Variants in CLCN4 observed in about 807,000 individuals in gnomAD.
CLCN4 encodes Cl-/H+ antiporter 4.
CLCN4 carries 1 observed loss-of-function variant against 41.7 expected under a neutral mutation model. The observed-to-expected ratio is 0.02, with a 90% CI of 0.01 to 0.11. CLCN4 has a LOEUF of 0.11. Among genes scored for constraint, CLCN4 ranks in the 10% least tolerant of loss-of-function variants. The probability of loss-of-function intolerance (pLI) is 1.00; values close to 1 mark genes in which losing one functional copy is unlikely to be tolerated. For synonymous variants in CLCN4, 277 were observed against 285.8 expected, an observed-to-expected ratio of 0.97 and a Z score of 0.31; for missense variants, 287 against 661.0, an observed-to-expected ratio of 0.43 and a Z score of 6.20.
At chrX:10,227,645 C>T (rs1925021375) in intron 12 of CLCN4, among the ~76,000 whole-genome samples, 1 of 111,962 alleles carries the variant, frequency 8.9e-6, no homozygotes, top group African/African-American at 3.3e-5. Flanking sequence ...AGAAACCCCA[C>T]ACCCCTTAGC....
intron 12 of CLCN4, among the ~76,000 whole-genome samples, chrX:10,226,913 C>T (rs1401666128): frequency 2.7e-5 from 3 of 110,646 alleles, no homozygotes; most frequent in Non-Finnish European, 5.7e-5. Flanking sequence ...AGCCTACCAA[C>T]CAAAAAAATC....
rs2301691 is a variant in CLCN4 at position 10,212,259 on chromosome X, C to T, written c.1390-208C>T. On this transcript the variant is annotated intron_variant, in intron 9 of 12. Coordinates refer to ENST00000380833, the MANE Select transcript of CLCN4 (RefSeq NM_001830.4). ...AGGGAATCAAAGTATAAAATTGCGTCCTCTCTAAGTTGCAGTAGATATGAC... is the reference window on the plus strand; with the variant it reads ...AGGGAATCAAAGTATAAAATTGCGTTCTCTCTAAGTTGCAGTAGATATGAC... Among the ~76,000 whole-genome samples, 32,772 of 110,919 alleles carry T rather than the reference C, an allele frequency of 0.3. 3,667 individuals carry two copies. Among genetic ancestry groups the T allele is most frequent in the Non-Finnish European group, 0.36 (18,904 of 52,813 alleles).
chrX:10,210,780 T>C (rs1359569112), intron 9 of CLCN4, among the ~76,000 whole-genome samples: 1 of 102,798 alleles, frequency 9.7e-6, no homozygotes, highest in Non-Finnish European at 2.0e-5. Context: ...CTCAGCCCAC[T>C]GGGACTACAG....
At chrX:10,207,444 G>A (rs777729891) in intron 8 of CLCN4, among the ~76,000 whole-genome samples, 1 of 112,245 alleles carries the variant, frequency 8.9e-6, no homozygotes, top group South Asian at 3.7e-4. Flanking sequence ...TAGCTGCTCA[G>A]CTCTGCTGTC....
At chrX:10,191,978 A>G in intron 4 of CLCN4, among the ~76,000 whole-genome samples, 1 of 111,095 alleles carries the variant, frequency 9.0e-6, no homozygotes, top group Non-Finnish European at 1.9e-5. Context: ...TGTAGTAGGT[A>G]CATGTTCAGT....
At chrX:10,227,227 G>A (rs1311573985) in intron 12 of CLCN4, among the ~76,000 whole-genome samples, 1 of 111,407 alleles carries the variant, frequency 9.0e-6, no homozygotes, top group East Asian at 2.8e-4. Context: ...CTTCATCCCT[G>A]GGGTGCAAGG....
In CLCN4 at chrX:10,208,393, A is replaced by G; in HGVS notation, c.1192A>G (p.Ile398Val). 1.7e-6 allele frequency: 2 copies of G among 1,210,913 alleles called. No homozygotes were observed. Among genetic ancestry groups the G allele is most frequent in the South Asian group, 3.5e-5 (2 of 56,929 alleles). The change falls in exon 9 of 13, where the codon ATT becomes GTT. Residue 398 changes from isoleucine to valine, a missense_variant. Ile to Val is a conservative substitution (Grantham distance 29). Around this residue, in one of 6 missense-constraint regions of CLCN4, gnomAD observed 94 missense variants for 177.9 expected, o/e 0.53. Coordinates refer to ENST00000380833, the MANE Select transcript of CLCN4 (RefSeq NM_001830.4). ...PYTRQSTSEL[I>V]SELFNDCGAL... ...CACACGCCAGAGCACCAGCGAGCTC[A>G]TTTCTGAGCTGTTCAATGACTGTGG...
chrX:10,202,697 G>T (rs16998804), intron 6 of CLCN4, among the ~76,000 whole-genome samples: 2,367 of 100,867 alleles, frequency 0.023, 64 homozygotes, highest in African/African-American at 0.082. Flanking sequence ...TTTGTTGCAC[G>T]TGGGACTTGA....
intron 2 of CLCN4, among the ~76,000 whole-genome samples, chrX:10,177,901 A>T (rs934861397): frequency 8.9e-6 from 1 of 112,095 alleles, no homozygotes; most frequent in Non-Finnish European, 1.9e-5. Context: ...GAGTGGATAA[A>T]CAAAATGTGA....
intron 12 of CLCN4, among the ~76,000 whole-genome samples, chrX:10,228,996 A>G (rs1338040691): frequency 1.8e-5 from 2 of 111,609 alleles, no homozygotes; most frequent in African/African-American, 6.5e-5. Context: ...ATGCTGCTGT[A>G]TGTTCTACAG....
intron 3 of CLCN4, among the ~76,000 whole-genome samples, chrX:10,187,020 G>C (rs968881368): frequency 5.4e-5 from 6 of 112,031 alleles, no homozygotes; most frequent in Non-Finnish European, 1.1e-4. Context: ...GGTGTGTGTA[G>C]GTAGTCCATC....
At chrX:10,168,406 G>A (rs755500587) in intron 2 of CLCN4, among the ~76,000 whole-genome samples, 4 of 112,095 alleles carry the variant, frequency 3.6e-5, no homozygotes, top group East Asian at 2.8e-4. Flanking sequence ...CAACTCCAGC[G>A]CCTTTGCTTT....
At chrX:10,216,731 C>A (rs1924716534) in intron 11 of CLCN4, among the ~76,000 whole-genome samples, 1 of 105,284 alleles carries the variant, frequency 9.5e-6, no homozygotes, top group Non-Finnish European at 2.0e-5. Context: ...CGCTTAGTTG[C>A]AGAAAGGGGT....
chrX:10,205,737 A>C (rs755004867), intron 6 of CLCN4, among the ~76,000 whole-genome samples: 47 of 107,112 alleles, frequency 4.4e-4, no homozygotes, highest in African/African-American at 1.5e-3. Context: ...CCTCCCAAGT[A>C]GCTAGGACCA....
rs1555977625 is a variant in CLCN4 at position 10,216,897 on chromosome X, G to GTATATATATATATATATATATATATATA, written c.1975+2840_1975+2841insTATATATATATATATATATATATATATA. On this transcript the variant is annotated intron_variant, in intron 11 of 12. Transcript: ENST00000380833. ...GTTGGGGATGTGTGTGTGTGTGTGT[G>GTATATATATATATATATATATATATATA]TATATATATATATATATATATACAC... Among the ~76,000 whole-genome samples the GTATATATATATATATATATATATATATA allele has an allele frequency of 6.1e-3, 127 of 20,735 alleles. 23 individuals carry two copies. Among genetic ancestry groups the GTATATATATATATATATATATATATATA allele is most frequent in the Non-Finnish European group, 9.6e-3 (104 of 10,845 alleles). 18.0% of individuals were successfully genotyped at this position (20,735 alleles called of 115,157 possible). A position where few individuals can be genotyped will look rare whatever the true frequency, so the allele number is the denominator to read the frequency against.
chrX:10,219,414 A>G (rs1046174795), intron 11 of CLCN4, among the ~76,000 whole-genome samples: 14 of 112,356 alleles, frequency 1.2e-4, no homozygotes, highest in African/African-American at 4.5e-4. Flanking sequence ...AGAAGTACGT[A>G]GTATATATCG....
In CLCN4 at chrX:10,208,479, G is replaced by C; in HGVS notation, c.1278G>C (p.Val426=). 1 of 1,211,493 alleles carries C rather than the reference G, an allele frequency of 8.3e-7. No individual in the cohort carries two copies. Among genetic ancestry groups the C allele is most frequent in the Non-Finnish European group, 1.1e-6 (1 of 895,324 alleles). ...YINDPNMTRP[V]DDIPDRPAGV... ...ATGACCCCAACATGACTCGGCCTGT[G>C]GATGACATTCCAGACCGGCCGGCTG... The change falls in exon 9 of 13, where the codon GTG becomes GTC. Residue 426 remains valine, a synonymous_variant. Transcript: ENST00000380833.
chrX:10,195,129 A>T, intron 5 of CLCN4, 31 bp downstream of exon 5: 1 of 1,163,662 alleles, frequency 8.6e-7, no homozygotes, highest in South Asian at 1.8e-5. Context: ...CTGGCTGGGG[A>T]CCCCTGCCGT....
chrX:10,161,807 G>T (rs1923113047), intron 2 of CLCN4, among the ~76,000 whole-genome samples: 1 of 110,808 alleles, frequency 9.0e-6, no homozygotes, highest in African/African-American at 3.3e-5. Flanking sequence ...CACCATGAGG[G>T]TGTAAAGGGG....
Sources: gnomAD v4.1 joint callset for allele counts (sites outside exome capture counted in the v4.1 genomes callset) on GRCh38, gnomAD v4.1.1 for gene constraint, gnomAD v4.1.1 regional missense constraint, MANE v1.5 for transcripts, NCBI Gene and HGNC (gene_info 2026-07-23, HGNC 2026-07-21) for gene names.